The following CUX2 variants were observed in gnomAD, a reference collection of about 807,000 sequenced individuals.
CUX2 encodes the protein homeobox protein cut-like 2.
A neutral mutation model predicts 144.8 loss-of-function variants in CUX2; 40 were observed. The ratio of observed to expected loss-of-function variants is 0.28; its 90% CI spans 0.21 to 0.36. CUX2 has a LOEUF of 0.36. Ranked by LOEUF, CUX2 falls within the 10% of genes least tolerant of loss-of-function variation. CUX2 has a pLI of 1.00. For missense variants in CUX2, 1,615 were observed against 1,994.0 expected (o/e 0.81, Z 3.62); for synonymous variants, 827 against 875.6 (o/e 0.94, Z 0.98).
At chr12:111,203,267 A>G (rs915321350) in intron 1 of CUX2, among the ~76,000 whole-genome samples, 3 of 149,304 alleles carry the variant, frequency 2.0e-5, no homozygotes, top group Non-Finnish European at 4.4e-5. Context: ...AGTAAGGGCC[A>G]GGTGCAGTAG....
chr12:111,155,829 T>C (rs564855081), intron 1 of CUX2, among the ~76,000 whole-genome samples: 1 of 152,272 alleles, frequency 6.6e-6, no homozygotes, highest in South Asian at 2.1e-4. Context: ...TCATTTTCTC[T>C]AATATGATAT....
intron 1 of CUX2, among the ~76,000 whole-genome samples, chr12:111,133,710 G>T (rs1316796318): frequency 6.6e-6 from 1 of 152,178 alleles, no homozygotes; most frequent in African/African-American, 2.4e-5. Context: ...CAAAGAGGTG[G>T]TTGGGGGCGG....
intron 1 of CUX2, among the ~76,000 whole-genome samples, chr12:111,053,509 A>G (rs1196176727): frequency 1.3e-5 from 2 of 152,236 alleles, no homozygotes; most frequent in Non-Finnish European, 2.9e-5. Flanking sequence ...ACGTACTTCC[A>G]TAGTCTCCAT....
At chr12:111,248,354 G>A (rs1265562) in intron 3 of CUX2, among the ~76,000 whole-genome samples, 47 of 152,184 alleles carry the variant, frequency 3.1e-4, no homozygotes, top group Non-Finnish European at 5.9e-4. Context: ...GAAGTCTCAC[G>A]TTCCTGCAGG....
At chr12:111,301,720 T>C (rs1886305019) in intron 9 of CUX2, among the ~76,000 whole-genome samples, 1 of 152,166 alleles carries the variant, frequency 6.6e-6, no homozygotes, top group Admixed American at 6.5e-5. Context: ...CCCAAGCTGG[T>C]CTCAAACTCG....
chr12:111,306,230 T>G (rs565615156), intron 10 of CUX2, among the ~76,000 whole-genome samples: 3 of 152,172 alleles, frequency 2.0e-5, no homozygotes, highest in Non-Finnish European at 2.9e-5. Context: ...CGATGCTAAT[T>G]AATTTAATGT....
At chr12:111,236,001 C>A (rs760617862) in intron 3 of CUX2, among the ~76,000 whole-genome samples, 2 of 152,174 alleles carry the variant, frequency 1.3e-5, no homozygotes, top group South Asian at 2.1e-4. Flanking sequence ...GGACCTGGCA[C>A]GGCCCCAGGT....
At chr12:111,245,951 G>T (rs1474362093) in intron 3 of CUX2, among the ~76,000 whole-genome samples, 1 of 152,162 alleles carries the variant, frequency 6.6e-6, no homozygotes, top group Non-Finnish European at 1.5e-5. Context: ...ACTGGGGCAG[G>T]TGGGGACTCT....
At position 111,218,019 on chromosome 12, in the gene CUX2, G is replaced by A. The variant is rs547308565; in HGVS notation, c.222+82G>A. 5 of 1,461,924 alleles carry A rather than the reference G, an allele frequency of 3.4e-6. No homozygotes were observed. In the African/African-American group the frequency reaches 5.6e-5, roughly 16 times the overall value. The allele number at this position is 1,461,924 out of a possible 1,614,324, so 90.6% of individuals were successfully genotyped here. ...ATCCCACCTAGAGTTGCCCAGGGGG[G>A]CCAGCAGCCTCCAGAAGCTTTGGAG... On this transcript the variant is annotated intron_variant, in intron 3 of 21. Coordinates refer to ENST00000261726, the MANE Select transcript of CUX2 (RefSeq NM_015267.4).
chr12:111,200,989 G>A (rs1315102022), intron 1 of CUX2, among the ~76,000 whole-genome samples: 1 of 152,162 alleles, frequency 6.6e-6, no homozygotes, highest in Admixed American at 6.5e-5. Context: ...CAATAGTGGG[G>A]CAGGGGGAGG....
chr12:111,334,547 G>A lies in CUX2; in HGVS notation c.3033G>A (p.Glu1011=). 6.2e-7 allele frequency: 1 copy of A among 1,614,010 alleles called. No homozygotes were observed. Among genetic ancestry groups the A allele is most frequent in the Non-Finnish European group, 8.5e-7 (1 of 1,180,004 alleles). The part of the protein sequence containing the change: ...PLSLSLESSK[E]NQQPEGRSSS... The stretch of plus-strand genomic sequence containing the variant: ...GCCTGTCCCTGGAGAGCAGCAAGGA[G>A]AACCAGCAGCCAGAGGGCCGCTCCA... The change falls in exon 19 of 22, where the codon GAG becomes GAA. Residue 1011 remains glutamate (E), a synonymous_variant. Coordinates refer to ENST00000261726, the MANE Select transcript of CUX2 (RefSeq NM_015267.4).
intron 1 of CUX2, among the ~76,000 whole-genome samples, chr12:111,142,395 A>C (rs1025041419): frequency 2.0e-5 from 3 of 152,174 alleles, no homozygotes; most frequent in Admixed American, 2.0e-4. Flanking sequence ...ATATTAGAAA[A>C]GTCTTCAGAC....
At chr12:111,141,255 CA>C (rs915961473) in intron 1 of CUX2, among the ~76,000 whole-genome samples, 9 of 152,132 alleles carry the variant, frequency 5.9e-5, no homozygotes, top group Admixed American at 5.2e-4. Flanking sequence ...CACACACACA[CA>C]TTCTTCTTGG....
In CUX2 at chr12:111,334,462, C is replaced by T. The variant is rs1888253115; in HGVS notation, c.2948C>T (p.Ser983Phe). 6.2e-7 allele frequency: 1 copy of T among 1,605,364 alleles called. No individual in the cohort carries two copies. Among genetic ancestry groups the T allele is most frequent in the African/African-American group, 1.3e-5 (1 of 74,584 alleles). The change falls in exon 19 of 22, where the codon TCC becomes TTC. Residue 983 changes from serine (S) to phenylalanine (F), a missense_variant. Ser to Phe is a radical substitution (Grantham distance 155, BLOSUM62 -2). Around this residue, in one of 12 missense-constraint regions of CUX2, gnomAD observed 128 missense variants for 124.4 expected, o/e 1.03. Coordinates refer to ENST00000261726, the MANE Select transcript of CUX2 (RefSeq NM_015267.4). ...ACAGCCAGTCCCACAGAACCAAGGT[C>T]CTCACCATCCCCACCCCCCAGCCCC... Reference protein sequence around the residue: ...ASQASPTEPRSSPSPPPSPTE... With the variant: ...ASQASPTEPRFSPSPPPSPTE...
intron 21 of CUX2, 62 bp downstream of exon 21, chr12:111,342,115 T>TC (rs1171428521): frequency 1.3e-6 from 2 of 1,546,648 alleles, no homozygotes; most frequent in African/African-American, 2.7e-5. Flanking sequence ...CCCTTCCCCA[T>TC]CCCAGGGCCT....
chr12:111,118,391 C>T (rs1456893504), intron 1 of CUX2, among the ~76,000 whole-genome samples: 1 of 152,162 alleles, frequency 6.6e-6, no homozygotes, highest in East Asian at 1.9e-4. Flanking sequence ...TACATCTCTC[C>T]CTAGCTGTGC....
At chr12:111,056,185 G>A (rs902422045) in intron 1 of CUX2, among the ~76,000 whole-genome samples, 6 of 152,240 alleles carry the variant, frequency 3.9e-5, no homozygotes, top group Non-Finnish European at 8.8e-5. Context: ...GAAGGAGGAT[G>A]CTAGAGACGA....
At chr12:111,225,195 G>T (rs1279661283) in intron 3 of CUX2, among the ~76,000 whole-genome samples, 1 of 152,212 alleles carries the variant, frequency 6.6e-6, no homozygotes, top group African/African-American at 2.4e-5. Flanking sequence ...GTTGATACTT[G>T]AAAAGCCCCA....
intron 3 of CUX2, among the ~76,000 whole-genome samples, chr12:111,258,562 C>G (rs1048457010): frequency 6.7e-6 from 1 of 150,214 alleles, no homozygotes. Flanking sequence ...CTTCCACAGA[C>G]AGCCAGTCAT....
Sources: allele counts gnomAD v4.1 joint callset (sites outside exome capture counted in the v4.1 genomes callset), GRCh38; gene constraint gnomAD v4.1.1; regional missense constraint gnomAD v4.1.1; transcripts MANE v1.5; gene names NCBI Gene and HGNC (gene_info 2026-07-23, HGNC 2026-07-21).